Variants in TRPS1 observed in about 807,000 individuals in gnomAD.
The protein encoded by TRPS1 is transcriptional repressor GATA binding 1.
A neutral mutation model predicts 101.2 loss-of-function variants in TRPS1; 6 were observed. That is an observed-to-expected ratio of 0.06 (90% CI 0.03 to 0.12). TRPS1 has a LOEUF of 0.12. Among genes scored for constraint, TRPS1 ranks in the 10% least tolerant of loss-of-function variants. The probability of loss-of-function intolerance (pLI) is 1.00; values close to 1 mark genes in which losing one functional copy is unlikely to be tolerated. For synonymous variants in TRPS1, 578 were observed against 589.8 expected, an observed-to-expected ratio of 0.98 and a Z score of 0.29; for missense variants, 1,363 against 1,567.0, an observed-to-expected ratio of 0.87 and a Z score of 2.20.
chr8:115,416,207 C>T (rs1163580577), intron 6 of TRPS1, among the ~76,000 whole-genome samples: 1 of 151,982 alleles, frequency 6.6e-6, no homozygotes, highest in Non-Finnish European at 1.5e-5. Flanking sequence ...TTAAACGTTA[C>T]ATGATTGGTA....
intron 1 of TRPS1, among the ~76,000 whole-genome samples, chr8:115,658,411 G>A (rs1811723128): frequency 6.6e-6 from 1 of 152,086 alleles, no homozygotes; most frequent in Non-Finnish European, 1.5e-5. Context: ...TATAAATAAA[G>A]CCATATGCAG....
intron 4 of TRPS1, among the ~76,000 whole-genome samples, chr8:115,592,244 T>A (rs1425471893): frequency 6.6e-6 from 1 of 152,186 alleles, no homozygotes; most frequent in Non-Finnish European, 1.5e-5. Context: ...ATCTAAATGT[T>A]TAACTTTAAC....
chr8:115,493,437 C>T (rs1815076023), intron 5 of TRPS1, among the ~76,000 whole-genome samples: 2 of 152,160 alleles, frequency 1.3e-5, no homozygotes, highest in Non-Finnish European at 2.9e-5. Context: ...GCGACTTCTG[C>T]CTCCCGGATT....
intron 1 of TRPS1, chr8:115,637,355 T>C: frequency 2.1e-5 from 20 of 956,840 alleles, no homozygotes; most frequent in Non-Finnish European, 2.5e-5. Context: ...TTAGGAAAAC[T>C]AAACTAGATG....
At chr8:115,419,831 C>G (rs1013266324) in intron 5 of TRPS1, among the ~76,000 whole-genome samples, 4 of 152,152 alleles carry the variant, frequency 2.6e-5, no homozygotes, top group African/African-American at 9.7e-5. Flanking sequence ...CAGAGGCTCT[C>G]GTCAGCTAAA....
chr8:115,591,122 G>C lies in TRPS1; in HGVS notation c.2097-3518C>G, dbSNP rs188933035. ...TAGCCTTTTACTGCTTAATTGTCAA[G>C]CTTTACTCTTTTTTCATTAATAGCA... On this transcript the variant is annotated intron_variant, in intron 4 of 6. Coordinates refer to ENST00000395715, the MANE Select transcript of TRPS1 (RefSeq NM_014112.5). Among the ~76,000 whole-genome samples, 860 of 152,192 alleles carry C rather than the reference G, an allele frequency of 5.7e-3. 6 individuals carry two copies. Among genetic ancestry groups the C allele is most frequent in the Non-Finnish European group, 6.2e-3 (420 of 68,014 alleles).
chr8:115,664,052 A>T (rs1811869054), intron 1 of TRPS1, among the ~76,000 whole-genome samples: 1 of 152,108 alleles, frequency 6.6e-6, no homozygotes, highest in Non-Finnish European at 1.5e-5. Context: ...TATAAAGGTC[A>T]TATATAATTA....
chr8:115,563,168 A>G (rs1244932243), intron 5 of TRPS1, among the ~76,000 whole-genome samples: 1 of 152,068 alleles, frequency 6.6e-6, no homozygotes, highest in Non-Finnish European at 1.5e-5. Flanking sequence ...ACAAACATGC[A>G]TCACTAAAAA....
intron 5 of TRPS1, among the ~76,000 whole-genome samples, chr8:115,498,407 CTCTCTCTCTATA>C (rs1241048219): frequency 4.9e-4 from 42 of 85,076 alleles, no homozygotes; most frequent in Middle Eastern, 6.4e-3. Context: ...CTCTCTCTCT[CTCTCTCTCTATA>C]TATATATATA....
At chr8:115,470,387 G>A (rs1814436654) in intron 5 of TRPS1, among the ~76,000 whole-genome samples, 3 of 151,966 alleles carry the variant, frequency 2.0e-5, no homozygotes, top group African/African-American at 7.3e-5. Flanking sequence ...AAAACATTTG[G>A]TGCATGTTTT....
intron 5 of TRPS1, among the ~76,000 whole-genome samples, chr8:115,462,460 A>G (rs968664307): frequency 1.3e-5 from 2 of 152,162 alleles, no homozygotes; most frequent in Admixed American, 1.3e-4. Flanking sequence ...TGGAGATGAC[A>G]ATGGTATCTA....
At chr8:115,556,563 T>A (rs766698896) in intron 5 of TRPS1, among the ~76,000 whole-genome samples, 1 of 152,206 alleles carries the variant, frequency 6.6e-6, no homozygotes, top group African/African-American at 2.4e-5. Flanking sequence ...TCTAAAAGGA[T>A]GGCAAATGCC....
chr8:115,644,889 C>G (rs1421374677), intron 1 of TRPS1, among the ~76,000 whole-genome samples: 3 of 152,108 alleles, frequency 2.0e-5, no homozygotes, highest in Non-Finnish European at 2.9e-5. Flanking sequence ...AACAGCCAGA[C>G]AGTGGAGCAC....
intron 5 of TRPS1, among the ~76,000 whole-genome samples, chr8:115,488,242 T>TA (rs780073634): frequency 6.6e-6 from 1 of 152,260 alleles, no homozygotes; most frequent in Admixed American, 6.5e-5. Flanking sequence ...AATGCTATTG[T>TA]ATACTTAGTA....
intron 5 of TRPS1, among the ~76,000 whole-genome samples, chr8:115,489,790 C>G (rs935278528): frequency 9.9e-5 from 15 of 152,126 alleles, no homozygotes; most frequent in Non-Finnish European, 2.1e-4. Flanking sequence ...ACATTCAAAT[C>G]ATTTTTATAA....
chr8:115,468,554 A>C (rs1483252045), intron 5 of TRPS1, among the ~76,000 whole-genome samples: 3 of 152,160 alleles, frequency 2.0e-5, no homozygotes, highest in Non-Finnish European at 4.4e-5. Flanking sequence ...GGTTACAGAT[A>C]CTCTCCAATG....
At chr8:115,644,443 T>C (rs1818974372) in intron 1 of TRPS1, among the ~76,000 whole-genome samples, 1 of 152,164 alleles carries the variant, frequency 6.6e-6, no homozygotes, top group African/African-American at 2.4e-5. Context: ...CTTCTTTATC[T>C]CTCTCTCAGC....
intron 5 of TRPS1, among the ~76,000 whole-genome samples, chr8:115,482,836 C>T (rs896018912): frequency 6.6e-6 from 1 of 152,144 alleles, no homozygotes. Flanking sequence ...AAGAACCCCA[C>T]CTTAACTGAA....
At chr8:115,646,998 T>C (rs985846374) in intron 1 of TRPS1, among the ~76,000 whole-genome samples, 1 of 142,594 alleles carries the variant, frequency 7.0e-6, no homozygotes, top group Non-Finnish European at 1.6e-5. Flanking sequence ...AACTTCCTTA[T>C]GTTGTTTTTT....
Sources: gnomAD v4.1 joint callset for allele counts (sites outside exome capture counted in the v4.1 genomes callset) on GRCh38, gnomAD v4.1.1 for gene constraint, MANE v1.5 for transcripts, NCBI Gene and HGNC (gene_info 2026-07-23, HGNC 2026-07-21) for gene names.